Variants in MANSC1 observed in about 807,000 individuals in gnomAD.
MANSC1 encodes the protein MANSC domain-containing protein 1.
A neutral mutation model predicts 14.1 loss-of-function variants in MANSC1; 13 were observed. The ratio of observed to expected loss-of-function variants is 0.92; its 90% confidence interval spans 0.60 to 1.46. The LOEUF (loss-of-function observed/expected upper bound fraction) is 1.46. Ranked by LOEUF, MANSC1 falls within the 40% of genes most tolerant of loss-of-function variation. The probability of loss-of-function intolerance (pLI) is 0.00; values close to 1 mark genes in which losing one functional copy is unlikely to be tolerated. For missense variants in MANSC1, 486 were observed against 511.4 expected, an observed-to-expected ratio of 0.95 and a Z score of 0.48; for synonymous variants, 227 against 200.7, an observed-to-expected ratio of 1.13 and a Z score of -1.11.
intron 3 of MANSC1, among the ~76,000 whole-genome samples, chr12:12,337,161 C>T (rs1862869208): frequency 6.6e-6 from 1 of 151,546 alleles, no homozygotes; most frequent in South Asian, 2.1e-4. Context: ...CCTGTAACCC[C>T]AGCTACTTGG....
chr12:12,336,897 ATT>A (rs1449452866), intron 3 of MANSC1, among the ~76,000 whole-genome samples: 1 of 152,230 alleles, frequency 6.6e-6, no homozygotes, highest in Admixed American at 6.5e-5. Flanking sequence ...GCTAAATAAT[ATT>A]TGTTATTTAT....
At chr12:12,334,211 C>T (rs181558007) in intron 3 of MANSC1, among the ~76,000 whole-genome samples, 188 of 150,584 alleles carry the variant, frequency 1.2e-3, no homozygotes, top group Non-Finnish European at 1.9e-3. Context: ...GCCATGATCG[C>T]GCCGCTGCAG....
intron 3 of MANSC1, among the ~76,000 whole-genome samples, chr12:12,333,161 C>A (rs1862814833): frequency 6.6e-6 from 1 of 152,088 alleles, no homozygotes. Flanking sequence ...ATCCTCCCAC[C>A]TCAGCCTCTT....
intron 1 of MANSC1, among the ~76,000 whole-genome samples, chr12:12,343,738 C>G (rs569895293): frequency 6.6e-6 from 1 of 152,234 alleles, no homozygotes; most frequent in Non-Finnish European, 1.5e-5. Flanking sequence ...AGAGGGCACA[C>G]ATTTCTAGTC....
intron 3 of MANSC1, among the ~76,000 whole-genome samples, chr12:12,334,693 A>T (rs1296713001): frequency 6.6e-6 from 1 of 152,358 alleles, no homozygotes; most frequent in East Asian, 1.9e-4. Flanking sequence ...ATTGGCAAGG[A>T]ACTTCATCCC....
chr12:12,349,679 G>T (rs1863052533), intron 1 of MANSC1, among the ~76,000 whole-genome samples: 1 of 152,150 alleles, frequency 6.6e-6, no homozygotes, highest in African/African-American at 2.4e-5. Flanking sequence ...TTACCAAGAT[G>T]CTTATAACTG....
intron 1 of MANSC1, among the ~76,000 whole-genome samples, chr12:12,344,232 A>G (rs191950865): frequency 6.6e-6 from 1 of 152,184 alleles, no homozygotes; most frequent in East Asian, 1.9e-4. Context: ...TTTAATCTTT[A>G]TACCAACTGT....
At chr12:12,348,679 G>A (rs1466588518) in intron 1 of MANSC1, among the ~76,000 whole-genome samples, 1 of 145,812 alleles carries the variant, frequency 6.9e-6, no homozygotes, top group African/African-American at 2.5e-5. Flanking sequence ...TGAACATTAT[G>A]TGAACTATGG....
In MANSC1 at chr12:12,337,115, CAAAA is replaced by C. The variant is rs59550266; in HGVS notation, c.364+1301_364+1304del. The stretch of plus-strand genomic sequence containing the variant: ...TGAAACCCCATCTCTACTAAAAATA[CAAAA>C]AAAAAAAAATAGCTGGGCATGGTAG... On this transcript the variant is annotated intron_variant, in intron 3 of 3. Transcript: ENST00000535902. 2.8e-4 allele frequency among the ~76,000 whole-genome samples: 41 copies of C among 148,196 alleles called. 2 individuals are homozygous for C. In the East Asian group the frequency reaches 3.0e-3, roughly 11 times the overall value.
intron 1 of MANSC1, among the ~76,000 whole-genome samples, chr12:12,348,658 AAC>A (rs2136000327): frequency 6.6e-6 from 1 of 152,122 alleles, no homozygotes; most frequent in African/African-American, 2.4e-5. Context: ...AGAAATGTAA[AAC>A]ACACAGAGTG....
chr12:12,338,890 A>AACACACAC lies in MANSC1; in HGVS notation c.224-338_224-331dup, dbSNP rs56183211. ...AGGCATCCACAACCACACACACACA[A>AACACACAC]ACACACACACACACACACACACACA... On this transcript the variant is annotated intron_variant, in intron 2 of 3. Transcript: ENST00000535902. The AACACACAC allele has an allele frequency of 4.3e-3, 827 of 192,928 alleles. 7 individuals are homozygous for AACACACAC. The highest frequency in any genetic ancestry group is 6.2e-3 in the Middle Eastern group (3 of 486). 12.0% of individuals were successfully genotyped at this position (192,928 alleles called of 1,614,324 possible).
At chr12:12,339,788 T>G (rs1862911000) in intron 2 of MANSC1, among the ~76,000 whole-genome samples, 1 of 152,050 alleles carries the variant, frequency 6.6e-6, no homozygotes, top group Admixed American at 6.6e-5. Flanking sequence ...TCCTTACTTT[T>G]CACTGTTAAC....
intron 1 of MANSC1, among the ~76,000 whole-genome samples, chr12:12,347,324 C>A (rs1054098613): frequency 2.6e-5 from 4 of 152,136 alleles, no homozygotes; most frequent in Non-Finnish European, 5.9e-5. Context: ...CTCACATGTG[C>A]AGTTCACAAC....
At chr12:12,348,791 T>G (rs778117539) in intron 1 of MANSC1, among the ~76,000 whole-genome samples, 4 of 152,116 alleles carry the variant, frequency 2.6e-5, no homozygotes, top group Non-Finnish European at 5.9e-5. Context: ...TCTTGCTGTT[T>G]GTCAAAATTC....
chr12:12,341,921 G>A (rs749077544), intron 2 of MANSC1, among the ~76,000 whole-genome samples: 1 of 152,234 alleles, frequency 6.6e-6, no homozygotes, highest in African/African-American at 2.4e-5. Flanking sequence ...GAACCTGGGA[G>A]GCAGAGAATG....
At position 12,330,439 on chromosome 12, in the gene MANSC1, T is replaced by G; in HGVS notation, c.884A>C (p.Gln295Pro). The change falls in exon 4 of 4, where the codon CAA (glutamine) becomes CCA (proline). Residue 295 changes from glutamine to proline, a missense_variant. Transcript: ENST00000535902. ...TVFTRAAATL[Q>P]AMATTAVLTT... Reference sequence around the variant, plus strand: ...CAGAACTGCTGTTGTAGCCATTGCTTGGAGTGTAGCCGCAGCCCGTGTAAA... The same window carrying G: ...CAGAACTGCTGTTGTAGCCATTGCTGGGAGTGTAGCCGCAGCCCGTGTAAA... The G allele has an allele frequency of 6.2e-7, 1 of 1,614,208 alleles. No homozygotes were observed. The highest frequency in any genetic ancestry group is 8.5e-7 in the Non-Finnish European group (1 of 1,180,028).
intron 1 of MANSC1, among the ~76,000 whole-genome samples, chr12:12,345,929 TAG>T (rs1036741121): frequency 3.3e-5 from 5 of 152,178 alleles, no homozygotes; most frequent in African/African-American, 4.8e-5. Flanking sequence ...AGCTAATAAA[TAG>T]AGAGATATAA....
rs561722033 is a variant in MANSC1, at chr12:12,326,615, T to A, written c.*3412A>T. 1 of 130,926 alleles carries A rather than the reference T, an allele frequency of 7.6e-6. No homozygotes were observed. The highest frequency in any genetic ancestry group is 2.6e-5 in the African/African-American group (1 of 38,360). The allele number at this position is 130,926 out of a possible 1,614,324, so 8.1% of individuals were successfully genotyped here. On this transcript the variant is annotated 3_prime_UTR_variant, in exon 4 of 4. Coordinates refer to ENST00000535902, the MANE Select transcript of MANSC1 (RefSeq NM_018050.4). Reference sequence around the variant, plus strand: ...TAAGAGTTTTTTAGTTTTTTTTTTGTTGTTGTTGTTTTGTTTTTTTTTTTG... The same window carrying A: ...TAAGAGTTTTTTAGTTTTTTTTTTGATGTTGTTGTTTTGTTTTTTTTTTTG...
rs1275269322 is a variant in MANSC1 at position 12,327,326 on chromosome 12, C to T, written c.*2701G>A. ...CCTCTAAGGGATTCCCCTACCCTGA[C>T]TGCCCTTGCCACAGTTGCACCCACC... On this transcript the variant is annotated 3_prime_UTR_variant, in exon 4 of 4. Coordinates refer to ENST00000535902, the MANE Select transcript of MANSC1 (RefSeq NM_018050.4). The T allele has an allele frequency of 6.6e-6, 1 of 152,288 alleles. No individual in the cohort carries two copies. Among genetic ancestry groups the T allele is most frequent in the Admixed American group, 6.5e-5 (1 of 15,270 alleles). 9.4% of individuals were successfully genotyped at this position (152,288 alleles called of 1,614,324 possible).
Sources: gnomAD v4.1 joint callset for allele counts (sites outside exome capture counted in the v4.1 genomes callset) on GRCh38, gnomAD v4.1.1 for gene constraint, MANE v1.5 for transcripts, NCBI Gene and HGNC (gene_info 2026-07-23, HGNC 2026-07-21) for gene names.